IQCH: variants seen among roughly 807,000 people sequenced by gnomAD.
The protein encoded by IQCH is IQ domain-containing protein H.
A neutral mutation model predicts 117.0 loss-of-function variants in IQCH; 98 were observed. The ratio of observed to expected loss-of-function variants is 0.84; its 90% CI spans 0.71 to 0.99. The LOEUF is 0.99. Ranked by LOEUF, IQCH falls within the 50% of genes least tolerant of loss-of-function variation. The pLI is 0.00. For synonymous variants in IQCH, 412 were observed against 448.2 expected, an observed-to-expected ratio of 0.92 and a Z score of 1.02; for missense variants, 1,102 against 1,243.8, an observed-to-expected ratio of 0.89 and a Z score of 1.72.
rs1596387056 is a variant in IQCH at position 67,443,154 on chromosome 15, G to A, written c.2505+21577G>A. Among the ~76,000 whole-genome samples, 1 of 151,944 alleles carries A rather than the reference G, an allele frequency of 6.6e-6. No homozygotes were observed. The highest frequency in any genetic ancestry group is 6.6e-5 in the Admixed American group (1 of 15,246). On this transcript the variant is annotated intron_variant, in intron 16 of 20. Transcript: ENST00000335894. The surrounding 1 kb of genome is among the most constrained non-coding windows in gnomAD (Gnocchi z 5.0). ...ACTACAGGCGCCCGCCACAGCGCCC[G>A]GCTAATTTTTTGTATTTTTAGTAGA...
At chr15:67,267,797 C>T (rs1376374287) in intron 3 of IQCH, among the ~76,000 whole-genome samples, 1 of 152,134 alleles carries the variant, frequency 6.6e-6, no homozygotes, top group African/African-American at 2.4e-5. Flanking sequence ...TATGGAAACC[C>T]AGGAAATAGA....
intron 16 of IQCH, among the ~76,000 whole-genome samples, chr15:67,428,702 A>T (rs2081949281): frequency 6.6e-6 from 1 of 152,108 alleles, no homozygotes; most frequent in Non-Finnish European, 1.5e-5. Flanking sequence ...TACAAAAATT[A>T]GCTGGGCATG....
At chr15:67,267,974 C>T (rs938949596) in intron 3 of IQCH, among the ~76,000 whole-genome samples, 2 of 152,054 alleles carry the variant, frequency 1.3e-5, no homozygotes, top group Middle Eastern at 3.4e-3. Context: ...TTTAAACTTA[C>T]GAGGTAAATG....
At position 67,310,495 on chromosome 15, in the gene IQCH, C is replaced by G. The variant is rs191070576; in HGVS notation, c.388-26480C>G. Among the ~76,000 whole-genome samples the G allele has an allele frequency of 3.0e-3, 453 of 152,168 alleles. 3 individuals carry two copies. The highest frequency in any genetic ancestry group is 8.0e-3 in the Admixed American group (122 of 15,276). On this transcript the variant is annotated intron_variant, in intron 4 of 20. Transcript: ENST00000335894. ...GAAGGTCATAAAGCAGTGCCTGACT[C>G]CTCGTAATCATTCAAGAAACATTAA...
In IQCH at chr15:67,463,221, A is replaced by C. The variant is rs1285453244; in HGVS notation, c.2506-1906A>C. On this transcript the variant is annotated intron_variant, in intron 16 of 20. Coordinates refer to ENST00000335894, the MANE Select transcript of IQCH (RefSeq NM_001031715.3). This position sits in a 1 kb window ranked among gnomAD's most constrained non-coding sequence, Gnocchi z 4.0. ...GGCCTTCTAGGAGGAAAAACTGTTT[A>C]ATCAAGTCTTCATGAAAATGTGTTA... 6.6e-6 allele frequency among the ~76,000 whole-genome samples: 1 copy of C among 152,208 alleles called. No homozygotes were observed. The highest frequency in any genetic ancestry group is 1.5e-5 in the Non-Finnish European group (1 of 68,046).
At chr15:67,400,423 G>C in intron 14 of IQCH, 118 bp downstream of exon 14, 1 of 645,294 alleles carries the variant, frequency 1.5e-6, no homozygotes, top group Non-Finnish European at 2.7e-6. Context: ...TCACCTGCCA[G>C]CAGTGCCTTT....
intron 4 of IQCH, among the ~76,000 whole-genome samples, chr15:67,319,784 G>T (rs1968026104): frequency 6.6e-6 from 1 of 152,114 alleles, no homozygotes; most frequent in Non-Finnish European, 1.5e-5. Flanking sequence ...GGCTCTTTCA[G>T]AATTTGAAGA....
At chr15:67,379,720 C>G (rs1404368858) in intron 10 of IQCH, among the ~76,000 whole-genome samples, 4 of 152,210 alleles carry the variant, frequency 2.6e-5, no homozygotes, top group African/African-American at 7.2e-5. Flanking sequence ...CATTCACTGT[C>G]TCTCTCCTGC....
chr15:67,334,290 C>T (rs1048723831), intron 4 of IQCH, among the ~76,000 whole-genome samples: 10 of 152,094 alleles, frequency 6.6e-5, no homozygotes, highest in African/African-American at 2.2e-4. Flanking sequence ...TCCTTTCAGG[C>T]GATCAGCACA....
rs1028933743 is a variant in IQCH, at chr15:67,431,707, A to G, written c.2505+10130A>G. ...ATAGATATAAGGTTCATTAATTATC[A>G]TAGAATTTAGTTGAACATTTCCTAC... On this transcript the variant is annotated intron_variant, in intron 16 of 20. Transcript: ENST00000335894. This position sits in a 1 kb window ranked among gnomAD's most constrained non-coding sequence, Gnocchi z 4.8. Among the ~76,000 whole-genome samples, 1 of 152,190 alleles carries G rather than the reference A, an allele frequency of 6.6e-6. No individual in the cohort carries two copies. Among genetic ancestry groups the G allele is most frequent in the African/African-American group, 2.4e-5 (1 of 41,442 alleles).
chr15:67,418,882 A>G (rs961188823), intron 15 of IQCH, among the ~76,000 whole-genome samples: 1 of 151,340 alleles, frequency 6.6e-6, no homozygotes, highest in African/African-American at 2.4e-5. Flanking sequence ...CCAGCCTAAT[A>G]AGGTTTTTTT....
intron 4 of IQCH, among the ~76,000 whole-genome samples, chr15:67,280,019 A>G (rs1485703096): frequency 1.3e-5 from 2 of 152,188 alleles, no homozygotes; most frequent in African/African-American, 4.8e-5. Context: ...CCGTCTAAAA[A>G]AAAAAAATGT....
rs932580488 is a variant in IQCH at position 67,474,242 on chromosome 15, G to C, written c.2677-1454G>C. Among the ~76,000 whole-genome samples the C allele has an allele frequency of 1.3e-5, 2 of 152,078 alleles. No individual in the cohort carries two copies. Among genetic ancestry groups the C allele is most frequent in the Admixed American group, 6.6e-5 (1 of 15,266 alleles). ...ATTATAATGCATGTCAGGTCACTAC[G>C]ATTCCTTACGGCCAGCTCCAGACCA... On this transcript the variant is annotated intron_variant, in intron 17 of 20. Coordinates refer to ENST00000335894, the MANE Select transcript of IQCH (RefSeq NM_001031715.3). This position sits in a 1 kb window ranked among gnomAD's most constrained non-coding sequence, Gnocchi z 4.1.
At position 67,457,449 on chromosome 15, in the gene IQCH, G is replaced by T. The variant is rs780052358; in HGVS notation, c.2506-7678G>T. 2.6e-5 allele frequency among the ~76,000 whole-genome samples: 4 copies of T among 152,230 alleles called. No homozygotes were observed. Among genetic ancestry groups the T allele is most frequent in the Non-Finnish European group, 5.9e-5 (4 of 68,042 alleles). ...TGAGGCCTGTATTTAAATAGCATCT[G>T]CAAAGAGTTAAATGTGCTCCCTGTC... On this transcript the variant is annotated intron_variant, in intron 16 of 20. Transcript: ENST00000335894. This position sits in a 1 kb window ranked among gnomAD's most constrained non-coding sequence, Gnocchi z 5.7.
At chr15:67,267,194 T>C (rs1486688228) in intron 3 of IQCH, among the ~76,000 whole-genome samples, 3 of 152,214 alleles carry the variant, frequency 2.0e-5, no homozygotes, top group Non-Finnish European at 4.4e-5. Flanking sequence ...TTATTTCTTT[T>C]TTAATATAAA....
rs1479553046 is a variant in IQCH at position 67,417,781 on chromosome 15, G to A, written c.2218+730G>A. On this transcript the variant is annotated intron_variant, in intron 15 of 20. Coordinates refer to ENST00000335894, the MANE Select transcript of IQCH (RefSeq NM_001031715.3). The surrounding 1 kb of genome is among the most constrained non-coding windows in gnomAD (Gnocchi z 4.3). ...GGCCCTCAGTCTCTAGGAGGTTACAGTGCAAGACATCTTACATGCTTACCC... is the reference window on the plus strand; with the variant it reads ...GGCCCTCAGTCTCTAGGAGGTTACAATGCAAGACATCTTACATGCTTACCC... 6.6e-6 allele frequency among the ~76,000 whole-genome samples: 1 copy of A among 152,122 alleles called. No individual in the cohort carries two copies. The highest frequency in any genetic ancestry group is 1.9e-4 in the East Asian group (1 of 5,192).
In IQCH at chr15:67,453,053, C is replaced by T. The variant is rs1596408207; in HGVS notation, c.2506-12074C>T. Among the ~76,000 whole-genome samples the T allele has an allele frequency of 1.3e-5, 2 of 152,292 alleles. No individual in the cohort carries two copies. The highest frequency in any genetic ancestry group is 1.9e-4 in the East Asian group (1 of 5,190). Reference sequence around the variant, plus strand: ...GCTTCTGCATTCGTCACGTAGCTCTCGTGCCTTGGTTTTCAGCTCCATCAG... The same window carrying T: ...GCTTCTGCATTCGTCACGTAGCTCTTGTGCCTTGGTTTTCAGCTCCATCAG... On this transcript the variant is annotated intron_variant, in intron 16 of 20. Coordinates refer to ENST00000335894, the MANE Select transcript of IQCH (RefSeq NM_001031715.3). The surrounding 1 kb of genome is among the most constrained non-coding windows in gnomAD (Gnocchi z 5.8).
rs568897668 is a variant in IQCH, at chr15:67,399,555, AAT to A, written c.1906-554_1906-553del. Among the ~76,000 whole-genome samples the A allele has an allele frequency of 3.9e-5, 6 of 152,338 alleles. No homozygotes were observed. In the South Asian group the frequency reaches 1.2e-3, roughly 32 times the overall value. Reference sequence around the variant, plus strand: ...ATCTCCTTTATCTGTCTTGTTCTAAAATATATGTGTTTATATCACACATATAC... The same window carrying A: ...ATCTCCTTTATCTGTCTTGTTCTAAAATATGTGTTTATATCACACATATAC... On this transcript the variant is annotated intron_variant, in intron 13 of 20. Transcript: ENST00000335894.
rs573195292 is a variant in IQCH, at chr15:67,454,246, C to T, written c.2506-10881C>T. ...TGCTGCACCCACCATCCTGCGCCTA[C>T]TGTCTGGCACTCCCCAGTGAGATGA... On this transcript the variant is annotated intron_variant, in intron 16 of 20. Transcript: ENST00000335894. This position sits in a 1 kb window ranked among gnomAD's most constrained non-coding sequence, Gnocchi z 5.2. 2.1e-4 allele frequency among the ~76,000 whole-genome samples: 32 copies of T among 152,296 alleles called. No individual in the cohort carries two copies. Among genetic ancestry groups the T allele is most frequent in the Non-Finnish European group, 3.7e-4 (25 of 68,028 alleles).
Sources: gnomAD v4.1 joint callset for allele counts (sites outside exome capture counted in the v4.1 genomes callset) on GRCh38, gnomAD v4.1.1 for gene constraint, Gnocchi (gnomAD v3.1) non-coding constraint, MANE v1.5 for transcripts, NCBI Gene and HGNC (gene_info 2026-07-23, HGNC 2026-07-21) for gene names.